Variants in VILL observed in about 807,000 individuals in gnomAD.
The protein encoded by VILL is villin-like protein.
VILL carries 102 observed loss-of-function variants against 106.3 expected under a neutral mutation model. The ratio of observed to expected loss-of-function variants is 0.96; its 90% CI spans 0.82 to 1.13. The LOEUF (loss-of-function observed/expected upper bound fraction) is 1.13. Among genes scored for constraint, VILL ranks in the 50% most tolerant of loss-of-function variants. The probability of loss-of-function intolerance (pLI) is 0.00; values close to 1 mark genes in which losing one functional copy is unlikely to be tolerated. For synonymous variants in VILL, 431 were observed against 440.3 expected (o/e 0.98, Z 0.27); for missense variants, 1,076 against 1,116.6 (o/e 0.96, Z 0.52).
intron 1 of VILL, among the ~76,000 whole-genome samples, chr3:37,992,191 TTC>T (rs1461385115): frequency 6.6e-6 from 1 of 152,170 alleles, no homozygotes; most frequent in African/African-American, 2.4e-5. Context: ...AGCTCACAGT[TTC>T]TGTCTGCACC....
intron 1 of VILL, among the ~76,000 whole-genome samples, chr3:37,991,821 G>C (rs1699614804): frequency 6.6e-6 from 1 of 151,828 alleles, no homozygotes; most frequent in Admixed American, 6.6e-5. Flanking sequence ...CCTGAGGAAA[G>C]AGGGCAGGAG....
chr3:38,000,899 GA>G (rs1699801225), intron 11 of VILL: 1 of 456,690 alleles, frequency 2.2e-6, no homozygotes, highest in Non-Finnish European at 4.4e-6. Flanking sequence ...CCGAAGCTTA[GA>G]ACAATGTCAC....
chr3:37,989,360 C>T (rs189585777), upstream of VILL, among the ~76,000 whole-genome samples: 252 of 152,216 alleles, frequency 1.7e-3, no homozygotes, highest in Non-Finnish European at 3.0e-3. Context: ...GAGACACTGG[C>T]GTTTCCATGC....
In VILL at chr3:37,998,417, G is replaced by T. The variant is rs544986444; in HGVS notation, c.942+53G>T. 1 of 1,552,278 alleles carries T rather than the reference G, an allele frequency of 6.4e-7. No individual in the cohort carries two copies. Among genetic ancestry groups the T allele is most frequent in the Non-Finnish European group, 8.9e-7 (1 of 1,126,042 alleles). On this transcript the variant is annotated intron_variant, in intron 9 of 19. Coordinates refer to ENST00000383759, the MANE Select transcript of VILL (RefSeq NM_015873.4). The surrounding 1 kb of genome is among the most constrained non-coding windows in gnomAD (Gnocchi z 4.1). ...AACAGAGCACTGCCCTGGGGTCTGA[G>T]TGGGGAGGCAGCTCCGCCCCAGGGT...
chr3:38,002,110 G>A (rs922954763), intron 13 of VILL: 2 of 669,130 alleles, frequency 3.0e-6, no homozygotes, highest in African/African-American at 3.6e-5. Flanking sequence ...CTGCACACTA[G>A]CAAACCTGGT....
chr3:37,992,003 C>A (rs568875016), intron 1 of VILL, among the ~76,000 whole-genome samples: 2 of 152,102 alleles, frequency 1.3e-5, no homozygotes, highest in Non-Finnish European at 2.9e-5. Flanking sequence ...GGATATCAGA[C>A]GGGCTCCCGG....
chr3:37,996,608 C>T (rs1176236041), intron 5 of VILL, among the ~76,000 whole-genome samples: 2 of 152,136 alleles, frequency 1.3e-5, no homozygotes, highest in African/African-American at 4.8e-5. Flanking sequence ...GCATGTCACC[C>T]ACAGACCCAG....
intron 17 of VILL, 52 bp from the exon 18 acceptor site, chr3:38,006,129 G>A (rs1349728881): frequency 6.2e-7 from 1 of 1,612,988 alleles, no homozygotes; most frequent in East Asian, 2.2e-5. Flanking sequence ...TGTCCCATTG[G>A]TGCCCCCTTC....
intron 3 of VILL, 87 bp downstream of exon 3, chr3:37,994,059 G>A (rs1575333524): frequency 1.3e-6 from 2 of 1,554,276 alleles, no homozygotes; most frequent in East Asian, 4.5e-5. Context: ...TCTGCCCTGG[G>A]AAGCGGCAAG....
At chr3:37,994,163 T>C in intron 3 of VILL, 98 bp from the exon 4 acceptor site, 2 of 1,473,052 alleles carry the variant, frequency 1.4e-6, no homozygotes, top group Non-Finnish European at 1.8e-6. Context: ...CGGAAGCCCC[T>C]GCCTAGCGTC....
Position 37,998,475 on chromosome 3 carries a change from G to C in VILL, c.942+111G>C. The C allele has an allele frequency of 1.0e-6, 1 of 984,236 alleles. No individual in the cohort carries two copies. The highest frequency in any genetic ancestry group is 1.5e-5 in the South Asian group (1 of 66,740). The allele number at this position is 984,236 out of a possible 1,614,324, so 61.0% of individuals were successfully genotyped here. A position where few individuals can be genotyped will look rare whatever the true frequency, so the allele number is the denominator to read the frequency against. On this transcript the variant is annotated intron_variant, in intron 9 of 19. Coordinates refer to ENST00000383759, the MANE Select transcript of VILL (RefSeq NM_015873.4). This position sits in a 1 kb window ranked among gnomAD's most constrained non-coding sequence, Gnocchi z 4.1. The stretch of plus-strand genomic sequence containing the variant: ...AGGAATCAGCCCTCCCCTAGAGTTT[G>C]AGTTGGGAAATCCTATGCTGGAGTC...
At chr3:37,989,668 AG>A (rs1699586966), upstream of VILL, among the ~76,000 whole-genome samples, 1 of 152,164 alleles carries the variant, frequency 6.6e-6, no homozygotes, top group Admixed American at 6.5e-5. Context: ...AGAGACAAAA[AG>A]GGACAGGGAA....
At position 37,994,470 on chromosome 3, in the gene VILL, A is replaced by G. The variant is rs1452044081; in HGVS notation, c.341+4A>G. On this transcript the variant is annotated splice_donor_region_variant and intron_variant, in intron 4 of 19. Coordinates refer to ENST00000383759, the MANE Select transcript of VILL (RefSeq NM_015873.4). ...GCTACTTCCGCCCGGGAATCATGTG[A>G]GTGCGGGGGCGACCGGGGCAGGAGG... 4 of 1,611,242 alleles carry G rather than the reference A, an allele frequency of 2.5e-6. No homozygotes were observed. Among genetic ancestry groups the G allele is most frequent in the Non-Finnish European group, 3.4e-6 (4 of 1,179,460 alleles).
chr3:37,993,966 C>T lies in VILL; in HGVS notation c.129C>T (p.Ile43=), dbSNP rs147914481. 1.5e-4 allele frequency: 245 copies of T among 1,614,188 alleles called. 1 individual carries two copies. The highest frequency in any genetic ancestry group is 1.5e-3 in the South Asian group (133 of 91,086). Residue 43 remains isoleucine (I), a synonymous_variant, in exon 3 of 20, where the codon ATC becomes ATT. Coordinates refer to ENST00000383759, the MANE Select transcript of VILL (RefSeq NM_015873.4). The stretch of plus-strand genomic sequence containing the variant: ...TTTTTGAGGAACACTGCTATGTCAT[C>T]CTCCACGTGAGTCGCTTGGGGAAGT... The part of the protein sequence containing the change: ...GNFFEEHCYV[I]LHVPQSPKAT...
intron 1 of VILL, among the ~76,000 whole-genome samples, chr3:37,992,862 A>C (rs1194367852): frequency 1.3e-5 from 2 of 152,120 alleles, no homozygotes; most frequent in Non-Finnish European, 2.9e-5. Context: ...TATGACACCT[A>C]TTGTGCCACA....
In VILL at chr3:38,004,465, T is replaced by C. The variant is rs1699878951; in HGVS notation, c.1950+66T>C. 4 of 1,559,628 alleles carry C rather than the reference T, an allele frequency of 2.6e-6. No homozygotes were observed. In the South Asian group the frequency reaches 4.8e-5, roughly 19 times the overall value. ...GTGTGTTTCTGTTTGTGTAACTGGGTGTGTGTGTATCTAGCCATCTGCCTC... is the reference window on the plus strand; with the variant it reads ...GTGTGTTTCTGTTTGTGTAACTGGGCGTGTGTGTATCTAGCCATCTGCCTC... On this transcript the variant is annotated intron_variant, in intron 16 of 19. Transcript: ENST00000383759.
rs763701112 is a variant in VILL at position 38,006,256 on chromosome 3, AG to A, written c.2205+5del. 2.5e-5 allele frequency: 41 copies of A among 1,614,064 alleles called. No individual in the cohort carries two copies. In the African/African-American group the frequency reaches 5.3e-4, roughly 21 times the overall value. On this transcript the variant is annotated splice_donor_5th_base_variant and intron_variant, in intron 18 of 19. Transcript: ENST00000383759. ...AACCATCTCTGAGATAACAGCAGTG[AG>A]TCCTGGGGCCCCTAGCCTTCCCCAC...
intron 4 of VILL, 93 bp from the exon 5 acceptor site, chr3:37,995,646 G>A (rs1320644670): frequency 3.9e-6 from 4 of 1,018,044 alleles, no homozygotes; most frequent in Non-Finnish European, 4.5e-6. Context: ...GCACATACGT[G>A]CACGTGCTCA....
chr3:37,998,989 C>T lies in VILL; in HGVS notation c.1020C>T (p.Phe340=). 4 of 1,607,088 alleles carry T rather than the reference C, an allele frequency of 2.5e-6. No individual in the cohort carries two copies. The highest frequency in any genetic ancestry group is 1.1e-5 in the South Asian group (1 of 90,926). Residue 340 remains phenylalanine (F), a synonymous_variant, in exon 10 of 20, where the codon TTC becomes TTT. Coordinates refer to ENST00000383759, the MANE Select transcript of VILL (RefSeq NM_015873.4). The surrounding 1 kb of genome is among the most constrained non-coding windows in gnomAD (Gnocchi z 4.1). ...ACGACGGCGCCGAGTCGGCCGCGTTCAAGCAGCTCTTCCGGACTTGGTCTG... is the reference window on the plus strand; with the variant it reads ...ACGACGGCGCCGAGTCGGCCGCGTTTAAGCAGCTCTTCCGGACTTGGTCTG... The part of the protein sequence containing the change: ...VVNDGAESAA[F]KQLFRTWSEK...
Sources: allele counts gnomAD v4.1 joint callset (sites outside exome capture counted in the v4.1 genomes callset), GRCh38; gene constraint gnomAD v4.1.1; non-coding constraint Gnocchi (gnomAD v3.1); transcripts MANE v1.5; gene names NCBI Gene and HGNC (gene_info 2026-07-23, HGNC 2026-07-21).